The following GRIN2A variants were observed in gnomAD, a reference collection of about 807,000 sequenced individuals.
GRIN2A encodes the protein glutamate receptor ionotropic, NMDA 2A.
In GRIN2A, 22 loss-of-function variants were observed where a neutral mutation model predicts 113.4. The ratio of observed to expected loss-of-function variants is 0.19; its 90% CI spans 0.14 to 0.28. The LOEUF is 0.28. Ranked by LOEUF, GRIN2A falls within the 10% of genes least tolerant of loss-of-function variation. The pLI is 1.00. For synonymous variants in GRIN2A, 827 were observed against 738.4 expected (o/e 1.12, Z -1.94); for missense variants, 1,502 against 1,887.0 (o/e 0.80, Z 3.78).
At chr16:9,853,064 A>G (rs1014752692) in intron 4 of GRIN2A, among the ~76,000 whole-genome samples, 2 of 152,216 alleles carry the variant, frequency 1.3e-5, no homozygotes, top group South Asian at 2.1e-4. Context: ...AGGAGAAAAG[A>G]TATCAGAGAC....
At chr16:9,962,528 G>C (rs1188684731) in intron 2 of GRIN2A, among the ~76,000 whole-genome samples, 4 of 152,030 alleles carry the variant, frequency 2.6e-5, no homozygotes, top group Non-Finnish European at 5.9e-5. Context: ...ATCATCACTG[G>C]CCATCAGAGA....
intron 3 of GRIN2A, among the ~76,000 whole-genome samples, chr16:9,911,020 A>T (rs1354073609): frequency 6.9e-6 from 1 of 145,250 alleles, no homozygotes; most frequent in East Asian, 2.0e-4. Context: ...TACTTTAACT[A>T]AAAAAAAAAA....
At chr16:10,057,714 T>A (rs1333139115) in intron 2 of GRIN2A, among the ~76,000 whole-genome samples, 2 of 152,048 alleles carry the variant, frequency 1.3e-5, no homozygotes, top group African/African-American at 4.8e-5. Context: ...CTACACACTC[T>A]CAGAGGACAG....
chr16:10,143,825 G>T (rs2049377142), intron 2 of GRIN2A, among the ~76,000 whole-genome samples: 1 of 152,074 alleles, frequency 6.6e-6, no homozygotes. Flanking sequence ...AATGAGCCAG[G>T]CATGGTGGCA....
intron 2 of GRIN2A, among the ~76,000 whole-genome samples, chr16:10,081,622 A>G (rs1357858469): frequency 6.6e-6 from 1 of 152,224 alleles, no homozygotes; most frequent in African/African-American, 2.4e-5. Context: ...GATAGTTGTA[A>G]AAACAAATAG....
At chr16:10,039,128 C>G (rs935820565) in intron 2 of GRIN2A, among the ~76,000 whole-genome samples, 2 of 152,104 alleles carry the variant, frequency 1.3e-5, no homozygotes, top group African/African-American at 2.4e-5. Context: ...GACATCCCCT[C>G]CCACCCCCCA....
intron 2 of GRIN2A, among the ~76,000 whole-genome samples, chr16:10,055,478 G>T (rs915557289): frequency 2.6e-5 from 4 of 152,156 alleles, no homozygotes; most frequent in Non-Finnish European, 4.4e-5. Flanking sequence ...ACAATAATAG[G>T]ATGACTTCTC....
At chr16:10,152,325 T>G (rs1039479522) in intron 2 of GRIN2A, among the ~76,000 whole-genome samples, 1 of 152,228 alleles carries the variant, frequency 6.6e-6, no homozygotes, top group Non-Finnish European at 1.5e-5. Flanking sequence ...ACCATGTACT[T>G]GGCCACCTAC....
chr16:9,967,621 G>C (rs373022428), intron 2 of GRIN2A, among the ~76,000 whole-genome samples: 2 of 152,094 alleles, frequency 1.3e-5, no homozygotes, highest in Non-Finnish European at 2.9e-5. Context: ...CAGTAGAATC[G>C]CTTGAACCTG....
At chr16:9,974,681 G>T (rs1296821579) in intron 2 of GRIN2A, among the ~76,000 whole-genome samples, 1 of 152,116 alleles carries the variant, frequency 6.6e-6, no homozygotes, top group Non-Finnish European at 1.5e-5. Context: ...ATACTGAAAA[G>T]TTTCTACATT....
intron 12 of GRIN2A, among the ~76,000 whole-genome samples, chr16:9,767,345 T>C (rs1166692655): frequency 3.3e-5 from 5 of 152,246 alleles, no homozygotes; most frequent in Non-Finnish European, 5.9e-5. Flanking sequence ...CAAATCTGTT[T>C]TAAAGCAATT....
intron 2 of GRIN2A, among the ~76,000 whole-genome samples, chr16:10,109,470 A>G (rs1351621832): frequency 6.6e-6 from 1 of 152,204 alleles, no homozygotes; most frequent in Non-Finnish European, 1.5e-5. Flanking sequence ...CATTATAAGG[A>G]AACTCTAGAC....
At chr16:10,173,148 G>A (rs1167399484) in intron 2 of GRIN2A, among the ~76,000 whole-genome samples, 1 of 151,564 alleles carries the variant, frequency 6.6e-6, no homozygotes, top group African/African-American at 2.4e-5. Context: ...GTTGATGATC[G>A]CATCTGACAT....
chr16:9,836,069 CA>C lies in GRIN2A; in HGVS notation c.1652-1840del, dbSNP rs2042579647. 2.6e-5 allele frequency among the ~76,000 whole-genome samples: 4 copies of C among 151,842 alleles called. 1 individual carries two copies. In the South Asian group the frequency reaches 8.3e-4, roughly 32 times the overall value. On this transcript the variant is annotated intron_variant, in intron 7 of 12. Coordinates refer to ENST00000330684, the MANE Select transcript of GRIN2A (RefSeq NM_001134407.3). ...TAGCAATTTAATACTGAGTTGTATCCAAAAAGGAAATTAGATAAATAAATGA... is the reference window on the plus strand; with the variant it reads ...TAGCAATTTAATACTGAGTTGTATCCAAAAGGAAATTAGATAAATAAATGA...
At chr16:9,993,396 T>G (rs1345376802) in intron 2 of GRIN2A, among the ~76,000 whole-genome samples, 1 of 151,644 alleles carries the variant, frequency 6.6e-6, no homozygotes, top group East Asian at 1.9e-4. Flanking sequence ...CAAAAAAATT[T>G]TTAAAAAGAA....
chr16:10,160,888 A>G (rs1295657070), intron 2 of GRIN2A, among the ~76,000 whole-genome samples: 1 of 152,216 alleles, frequency 6.6e-6, no homozygotes, highest in Non-Finnish European at 1.5e-5. Context: ...AATTTCGCAG[A>G]GGCACGTTCG....
At chr16:9,813,527 T>C (rs1346294147) in intron 10 of GRIN2A, among the ~76,000 whole-genome samples, 1 of 151,070 alleles carries the variant, frequency 6.6e-6, no homozygotes, top group African/African-American at 2.4e-5. Flanking sequence ...TTGCCTTTTT[T>C]TTTTTTCCGT....
intron 3 of GRIN2A, among the ~76,000 whole-genome samples, chr16:9,914,739 C>T (rs1366302963): frequency 6.6e-6 from 1 of 151,810 alleles, no homozygotes; most frequent in Non-Finnish European, 1.5e-5. Flanking sequence ...ACAGCTTAAT[C>T]ACCTGGATAT....
chr16:10,114,918 A>C (rs1177546590), intron 2 of GRIN2A, among the ~76,000 whole-genome samples: 2 of 152,256 alleles, frequency 1.3e-5, no homozygotes, highest in East Asian at 3.8e-4. Context: ...TATTTCACTT[A>C]AAATTCCAAT....
Sources: allele counts gnomAD v4.1 joint callset (sites outside exome capture counted in the v4.1 genomes callset), GRCh38; gene constraint gnomAD v4.1.1; transcripts MANE v1.5; gene names NCBI Gene and HGNC (gene_info 2026-07-23, HGNC 2026-07-21).